TBC1D13: variants seen among roughly 807,000 people sequenced by gnomAD.
The protein encoded by TBC1D13 is epididymis secretory sperm binding protein.
Under a neutral mutation model 53.6 loss-of-function variants are expected in TBC1D13, and 40 were observed. The observed-to-expected ratio is 0.75, with a 90% CI of 0.58 to 0.97. The LOEUF (loss-of-function observed/expected upper bound fraction) is 0.97, where lower values mean the gene tolerates loss of function less well. Among genes scored for constraint, TBC1D13 ranks in the 50% least tolerant of loss-of-function variants. The pLI, the probability that TBC1D13 is intolerant of heterozygous loss-of-function variation, is 0.00. For synonymous variants in TBC1D13, 182 were observed against 197.7 expected, an observed-to-expected ratio of 0.92 and a Z score of 0.67; for missense variants, 377 against 499.4, an observed-to-expected ratio of 0.75 and a Z score of 2.34.
intron 7 of TBC1D13, among the ~76,000 whole-genome samples, chr9:128,799,748 G>A (rs1250944709): frequency 6.6e-6 from 1 of 152,238 alleles, no homozygotes; most frequent in Non-Finnish European, 1.5e-5. Flanking sequence ...TTAAGGGCCA[G>A]GCGTGGCTCA....
rs1274562675 is a variant in TBC1D13 at position 128,802,211 on chromosome 9, ACGC to A, written c.544-1037_544-1035del. On this transcript the variant is annotated intron_variant, in intron 7 of 11. Transcript: ENST00000372648. ...GCTGGGATTACAGGTATACGCCACCACGCCTGGCTAATTTTTTTGTATTTTTAA... is the reference window on the plus strand; with the variant it reads ...GCTGGGATTACAGGTATACGCCACCACTGGCTAATTTTTTTGTATTTTTAA... Among the ~76,000 whole-genome samples, 24 of 149,490 alleles carry A rather than the reference ACGC, an allele frequency of 1.6e-4. 1 individual carries two copies. The highest frequency in any genetic ancestry group is 1.5e-5 in the Non-Finnish European group (1 of 67,238).
intron 7 of TBC1D13, 44 bp from the exon 8 acceptor site, chr9:128,803,206 C>T: frequency 1.3e-6 from 2 of 1,579,694 alleles, no homozygotes; most frequent in Non-Finnish European, 1.7e-6. Flanking sequence ...AGCCACTGAC[C>T]CCAGCATTGT....
chr9:128,797,513 T>G (rs1397419333), intron 7 of TBC1D13, among the ~76,000 whole-genome samples: 1 of 151,956 alleles, frequency 6.6e-6, no homozygotes, highest in East Asian at 1.9e-4. Context: ...TGTGAGAAAA[T>G]GTGATAGGGC....
Position 128,787,364 on chromosome 9 carries a change from T to G in TBC1D13, c.11T>G (p.Leu4Arg). 2 of 1,260,166 alleles carry G rather than the reference T, an allele frequency of 1.6e-6. No homozygotes were observed. The highest frequency in any genetic ancestry group is 2.0e-6 in the Non-Finnish European group (2 of 994,942). The allele number at this position is 1,260,166 out of a possible 1,614,324, so 78.1% of individuals were successfully genotyped here. A position where few individuals can be genotyped will look rare whatever the true frequency, so the allele number is the denominator to read the frequency against. MSS[L>R]HKSRIADFQD... ...CCGGAAGTCAACACCATGTCAAGTC[T>G]GCACAAGAGCCGGTAAGGGGCCATG... is the stretch of plus-strand genomic sequence containing the variant. Residue 4 changes from leucine (L) to arginine (R), a missense_variant, in exon 1 of 12, where the codon CTG (leucine) becomes CGG (arginine). Transcript: ENST00000372648.
At chr9:128,797,302 C>A in intron 7 of TBC1D13, 88 bp downstream of exon 7, 2 of 1,379,576 alleles carry the variant, frequency 1.4e-6, no homozygotes, top group Non-Finnish European at 2.0e-6. Context: ...AGGTGTCGGG[C>A]CATGACCATC....
chr9:128,790,499 G>A lies in TBC1D13; in HGVS notation c.98-236G>A, dbSNP rs371246381. ...TGAGGCTGGAGAATCGCTGGAACTC[G>A]GGAGGCGGAGGCTGCAGTGAGCCGA... On this transcript the variant is annotated intron_variant, in intron 2 of 11. Transcript: ENST00000372648. 9.9e-4 allele frequency among the ~76,000 whole-genome samples: 151 copies of A among 152,310 alleles called. 1 individual carries two copies. In the South Asian group the frequency reaches 0.014, roughly 14 times the overall value.
rs572386960 is a variant in TBC1D13 at position 128,787,400 on chromosome 9, C to T, written c.23+24C>T. ...CGGTAAGGGGCCATGGGGCCTGACCCGGCTGGGCCACTCCTGGCCAGGCTG... is the reference window on the plus strand; with the variant it reads ...CGGTAAGGGGCCATGGGGCCTGACCTGGCTGGGCCACTCCTGGCCAGGCTG... On this transcript the variant is annotated intron_variant, in intron 1 of 11. Coordinates refer to ENST00000372648, the MANE Select transcript of TBC1D13 (RefSeq NM_018201.5). 24 of 1,256,036 alleles carry T rather than the reference C, an allele frequency of 1.9e-5. No individual in the cohort carries two copies. In the South Asian group the frequency reaches 7.2e-4, roughly 38 times the overall value. 77.8% of individuals were successfully genotyped at this position (1,256,036 alleles called of 1,614,324 possible). A position where few individuals can be genotyped will look rare whatever the true frequency, so the allele number is the denominator to read the frequency against.
rs892845554 is a variant in TBC1D13 at position 128,810,024 on chromosome 9, C to T, written c.*2145C>T. 6.6e-6 allele frequency: 1 copy of T among 152,508 alleles called. No individual in the cohort carries two copies. Among genetic ancestry groups the T allele is most frequent in the African/African-American group, 2.4e-5 (1 of 41,452 alleles). The allele number at this position is 152,508 out of a possible 1,614,324, so 9.4% of individuals were successfully genotyped here. A position where few individuals can be genotyped will look rare whatever the true frequency, so the allele number is the denominator to read the frequency against. The stretch of plus-strand genomic sequence containing the variant: ...CTGCCCCCTACCTTCCCTCCTGGAA[C>T]CACACTACTTGAATCACCATTACTT... On this transcript the variant is annotated 3_prime_UTR_variant, in exon 12 of 12. Transcript: ENST00000372648.
intron 9 of TBC1D13, among the ~76,000 whole-genome samples, chr9:128,805,172 A>G (rs1829809577): frequency 6.6e-6 from 1 of 152,196 alleles, no homozygotes. Flanking sequence ...TGTCTCTACA[A>G]AAAATTTAAA....
At chr9:128,803,578 T>C (rs1345407826) in intron 8 of TBC1D13, 118 bp downstream of exon 8, 7 of 902,904 alleles carry the variant, frequency 7.8e-6, no homozygotes, top group Non-Finnish European at 1.0e-5. Context: ...GCCTGGATCA[T>C]CTCTGAGATC....
rs1170366996 is a variant in TBC1D13 at position 128,804,720 on chromosome 9, G to GTTT, written c.918+624_918+626dup. On this transcript the variant is annotated intron_variant, in intron 9 of 11. Coordinates refer to ENST00000372648, the MANE Select transcript of TBC1D13 (RefSeq NM_018201.5). ...CACCGTGCCCAGCCCTTTTTTTTCT[G>GTTT]TTTTTTTTTTTTTTTTTTTTTTTTT... Among the ~76,000 whole-genome samples the GTTT allele has an allele frequency of 6.4e-3, 359 of 56,288 alleles. 1 individual carries two copies. The highest frequency in any genetic ancestry group is 0.014 in the Middle Eastern group (1 of 70). The allele number at this position is 56,288 out of a possible 152,430, so 36.9% of individuals were successfully genotyped here. A position where few individuals can be genotyped will look rare whatever the true frequency, so the allele number is the denominator to read the frequency against.
intron 6 of TBC1D13, among the ~76,000 whole-genome samples, chr9:128,794,129 C>T (rs933478190): frequency 7.2e-5 from 11 of 152,158 alleles, no homozygotes; most frequent in Admixed American, 6.5e-4. Flanking sequence ...GAGGAGGAGG[C>T]AGCAAGCTGG....
chr9:128,807,905 G>A lies in TBC1D13; in HGVS notation c.*26G>A. 6.2e-7 allele frequency: 1 copy of A among 1,611,064 alleles called. No individual in the cohort carries two copies. Among genetic ancestry groups the A allele is most frequent in the Admixed American group, 1.7e-5 (1 of 60,000 alleles). On this transcript the variant is annotated 3_prime_UTR_variant, in exon 12 of 12. Coordinates refer to ENST00000372648, the MANE Select transcript of TBC1D13 (RefSeq NM_018201.5). ...CCCGGCGGCAAGAGGCCCATGTTCC[G>A]GAGAGAAGCCTCCCGACCCTGTGCC...
At chr9:128,791,310 T>C in intron 3 of TBC1D13, 70 bp from the exon 4 acceptor site, 1 of 1,427,458 alleles carries the variant, frequency 7.0e-7, no homozygotes, top group Non-Finnish European at 9.9e-7. Flanking sequence ...TTGAGGCCTG[T>C]CATCCCCGCC....
At chr9:128,800,490 C>A (rs1021872500) in intron 7 of TBC1D13, among the ~76,000 whole-genome samples, 6 of 148,048 alleles carry the variant, frequency 4.1e-5, no homozygotes, top group Non-Finnish European at 5.9e-5. Context: ...CGTGCCTTAG[C>A]CTCCTGAATA....
Position 128,808,173 on chromosome 9 carries a change from G to A in TBC1D13, c.*294G>A. Reference sequence around the variant, plus strand: ...TTCTGGCACTGGGAGGCTGGCAGGGGCCCCTCCCTGCCTCGGCTCTGCCGC... The same window carrying A: ...TTCTGGCACTGGGAGGCTGGCAGGGACCCCTCCCTGCCTCGGCTCTGCCGC... On this transcript the variant is annotated 3_prime_UTR_variant, in exon 12 of 12. Coordinates refer to ENST00000372648, the MANE Select transcript of TBC1D13 (RefSeq NM_018201.5). 2.4e-6 allele frequency: 1 copy of A among 416,012 alleles called. No individual in the cohort carries two copies. Among genetic ancestry groups the A allele is most frequent in the East Asian group, 4.2e-5 (1 of 24,002 alleles). 25.8% of individuals were successfully genotyped at this position (416,012 alleles called of 1,614,324 possible).
At chr9:128,802,768 G>C (rs531264522) in intron 7 of TBC1D13, among the ~76,000 whole-genome samples, 3 of 133,344 alleles carry the variant, frequency 2.2e-5, no homozygotes, top group African/African-American at 8.4e-5. Context: ...ACAGTGTCTT[G>C]TTGTCACCCA....
At chr9:128,792,606 C>T in intron 6 of TBC1D13, 32 bp downstream of exon 6, 1 of 1,597,612 alleles carries the variant, frequency 6.3e-7, no homozygotes, top group African/African-American at 1.3e-5. Context: ...GGGAGCTGGC[C>T]CATGGGACTT....
At chr9:128,800,610 C>T (rs745551843) in intron 7 of TBC1D13, among the ~76,000 whole-genome samples, 21 of 152,012 alleles carry the variant, frequency 1.4e-4, no homozygotes, top group Non-Finnish European at 2.4e-4. Context: ...CCACCCACCT[C>T]AGTTTCCCAA....
Sources: gnomAD v4.1 joint callset for allele counts (sites outside exome capture counted in the v4.1 genomes callset) on GRCh38, gnomAD v4.1.1 for gene constraint, MANE v1.5 for transcripts, NCBI Gene and HGNC (gene_info 2026-07-23, HGNC 2026-07-21) for gene names.